SF3A1: variants seen among roughly 807,000 people sequenced by gnomAD.
SF3A1 encodes SAP 114.
Under a neutral mutation model 89.9 loss-of-function variants are expected in SF3A1, and 13 were observed. The ratio of observed to expected loss-of-function variants is 0.14; its 90% CI spans 0.09 to 0.23. SF3A1 has a LOEUF of 0.23. Ranked by LOEUF, SF3A1 falls within the 10% of genes least tolerant of loss-of-function variation. The pLI, the probability that SF3A1 is intolerant of heterozygous loss-of-function variation, is 1.00. For missense variants in SF3A1, 604 were observed against 1,022.1 expected, an observed-to-expected ratio of 0.59 and a Z score of 5.58; for synonymous variants, 405 against 374.4, an observed-to-expected ratio of 1.08 and a Z score of -0.94.
At chr22:30,339,874 C>T (rs1338022795) in intron 9 of SF3A1, among the ~76,000 whole-genome samples, 1 of 152,232 alleles carries the variant, frequency 6.6e-6, no homozygotes, top group Non-Finnish European at 1.5e-5. Context: ...ACCTGTGGCA[C>T]AGTTCCTGCC....
chr22:30,340,465 C>T (rs1328185188), intron 8 of SF3A1, 84 bp from the exon 9 acceptor site: 3 of 1,342,650 alleles, frequency 2.2e-6, no homozygotes, highest in Non-Finnish European at 2.1e-6. Flanking sequence ...GTGCATCATT[C>T]ATCAAGGCAT....
Position 30,340,239 on chromosome 22 carries a change from G to A in SF3A1, c.1332C>T (p.Arg444=). ...CATCGCTCTGCTTCTCACGGATGGAGCGATCCCGCTGCTCCAGCCAGCGAG... is the reference window on the plus strand; with the variant it reads ...CATCGCTCTGCTTCTCACGGATGGAACGATCCCGCTGCTCCAGCCAGCGAG... ...LDPRWLEQRD[R]SIREKQSDDE... Residue 444 remains arginine (R), a synonymous_variant, in exon 9 of 16, where the codon CGC becomes CGT. Coordinates refer to ENST00000215793, the MANE Select transcript of SF3A1 (RefSeq NM_005877.6). 1 of 1,607,220 alleles carries A rather than the reference G, an allele frequency of 6.2e-7. No individual in the cohort carries two copies. The highest frequency in any genetic ancestry group is 8.5e-7 in the Non-Finnish European group (1 of 1,177,384).
Position 30,346,208 on chromosome 22 carries a change from T to C in SF3A1, c.393+104A>G. 6.2e-6 allele frequency: 5 copies of C among 802,732 alleles called. No individual in the cohort carries two copies. In the South Asian group the frequency reaches 8.1e-5, roughly 13 times the overall value. 49.7% of individuals were successfully genotyped at this position (802,732 alleles called of 1,614,324 possible). ...GAGATGGGGATAACGACCTCACTTC[T>C]CTCCCTGGGTGGTTGTGAGATTTGG... On this transcript the variant is annotated intron_variant, in intron 3 of 15. Transcript: ENST00000215793.
chr22:30,351,894 C>T (rs1199661683), intron 2 of SF3A1, among the ~76,000 whole-genome samples: 1 of 152,226 alleles, frequency 6.6e-6, no homozygotes, highest in African/African-American at 2.4e-5. Context: ...CTGAGGGCTG[C>T]CAAAGGAATA....
At chr22:30,342,627 G>T (rs1479671151) in intron 5 of SF3A1, 178 bp downstream of exon 5, 3 of 625,920 alleles carry the variant, frequency 4.8e-6, no homozygotes, top group Non-Finnish European at 5.6e-6. Flanking sequence ...GCAGAAAGTT[G>T]TGGTATGTTG....
chr22:30,344,044 G>A (rs1416591508), intron 4 of SF3A1, among the ~76,000 whole-genome samples: 1 of 152,248 alleles, frequency 6.6e-6, no homozygotes, highest in Non-Finnish European at 1.5e-5. Flanking sequence ...AGCTGTCAGT[G>A]CACTTTGCAA....
intron 2 of SF3A1, among the ~76,000 whole-genome samples, chr22:30,351,753 C>T (rs1370838162): frequency 6.6e-6 from 1 of 152,210 alleles, no homozygotes; most frequent in Non-Finnish European, 1.5e-5. Flanking sequence ...CCACCTTGGG[C>T]TCCCAAAGTG....
At chr22:30,351,441 C>G (rs188403187) in intron 2 of SF3A1, among the ~76,000 whole-genome samples, 32 of 152,322 alleles carry the variant, frequency 2.1e-4, no homozygotes, top group Non-Finnish European at 3.1e-4. Flanking sequence ...CTGGAGAACA[C>G]ATGCTGATTG....
At position 30,338,774 on chromosome 22, in the gene SF3A1, T is replaced by G. The variant is rs760932879; in HGVS notation, c.1743+15A>C. On this transcript the variant is annotated intron_variant, in intron 11 of 15. Coordinates refer to ENST00000215793, the MANE Select transcript of SF3A1 (RefSeq NM_005877.6). Reference sequence around the variant, plus strand: ...AGCTCTAAAAAAGTCAGTTCCAGGGTAGATGCTGGCTTACTGTGGGTGGTC... The same window carrying G: ...AGCTCTAAAAAAGTCAGTTCCAGGGGAGATGCTGGCTTACTGTGGGTGGTC... 7 of 1,613,630 alleles carry G rather than the reference T, an allele frequency of 4.3e-6. No individual in the cohort carries two copies. The highest frequency in any genetic ancestry group is 5.1e-6 in the Non-Finnish European group (6 of 1,179,936).
chr22:30,349,666 CT>C lies in SF3A1; in HGVS notation c.186-3148del, dbSNP rs58624811. 6.6e-3 allele frequency among the ~76,000 whole-genome samples: 912 copies of C among 138,872 alleles called. 6 individuals are homozygous for C. Among genetic ancestry groups the C allele is most frequent in the East Asian group, 0.031 (147 of 4,784 alleles). The allele number at this position is 138,872 out of a possible 152,430, so 91.1% of individuals were successfully genotyped here. On this transcript the variant is annotated intron_variant, in intron 2 of 15. Transcript: ENST00000215793. Reference sequence around the variant, plus strand: ...TGCATGGTTTTGGATTTTTTTCTTTCTTTTTTTTTTTTTTTTTGAGATAGGG... The same window carrying C: ...TGCATGGTTTTGGATTTTTTTCTTTCTTTTTTTTTTTTTTTTGAGATAGGG...
intron 7 of SF3A1, among the ~76,000 whole-genome samples, chr22:30,341,321 G>A (rs976243054): frequency 6.6e-6 from 1 of 152,192 alleles, no homozygotes; most frequent in Admixed American, 6.5e-5. Context: ...ATGCCTGAAA[G>A]GAAGCGTGGG....
chr22:30,342,097 G>T, intron 6 of SF3A1, 103 bp downstream of exon 6: 1 of 1,393,814 alleles, frequency 7.2e-7, no homozygotes, highest in Non-Finnish European at 1.0e-6. Flanking sequence ...CACTGATAAA[G>T]CCCTCTGAGA....
At chr22:30,350,834 T>A (rs927188841) in intron 2 of SF3A1, among the ~76,000 whole-genome samples, 1 of 152,226 alleles carries the variant, frequency 6.6e-6, no homozygotes, top group African/African-American at 2.4e-5. Context: ...TGAACACTGC[T>A]AAGAGCCATT....
At chr22:30,340,643 G>A (rs567003150) in intron 8 of SF3A1, 52 bp downstream of exon 8, 6 of 1,125,066 alleles carry the variant, frequency 5.3e-6, no homozygotes, top group African/African-American at 3.1e-5. Context: ...ACACATGAGG[G>A]CACACAGGAC....
rs1931227661 is a variant in SF3A1, at chr22:30,340,801, A to C, written c.1083T>G (p.Asp361Glu). The C allele has an allele frequency of 1.9e-6, 3 of 1,586,954 alleles. No individual in the cohort carries two copies. Among genetic ancestry groups the C allele is most frequent in the African/African-American group, 2.7e-5 (2 of 73,152 alleles). ...GGGGCACTTTCTGCCCTTCTTCTTC[A>C]TCATCTGAACCCTGAAAAGCAAAGC... ...QVQDMDEGSDDEEEGQKVPPP... is the reference protein window; with the variant it reads ...QVQDMDEGSDEEEEGQKVPPP... The change falls in exon 8 of 16, where the codon GAT becomes GAG. Residue 361 changes from aspartate (D) to glutamate (E), a missense_variant. Around this residue, in one of 9 missense-constraint regions of SF3A1, gnomAD observed 146 missense variants for 228.5 expected, o/e 0.64. Transcript: ENST00000215793.
Position 30,342,425 on chromosome 22 carries a change from T to C in SF3A1, c.727-75A>G. ...CTGATGAGGCTACCACCTCCAGGGC[T>C]TTCATCAAAGTCAGCGCCTCCTTCG... On this transcript the variant is annotated intron_variant, in intron 5 of 15. Coordinates refer to ENST00000215793, the MANE Select transcript of SF3A1 (RefSeq NM_005877.6). 3 of 1,497,244 alleles carry C rather than the reference T, an allele frequency of 2.0e-6. No homozygotes were observed. In the South Asian group the frequency reaches 3.6e-5, roughly 18 times the overall value. 92.7% of individuals were successfully genotyped at this position (1,497,244 alleles called of 1,614,324 possible). A position where few individuals can be genotyped will look rare whatever the true frequency, so the allele number is the denominator to read the frequency against.
rs1931011043 is a variant in SF3A1 at position 30,334,591 on chromosome 22, T to C, written c.*3A>G. ...CAGGGACTTGACAGCAGGTTCCTCT[T>C]GTCTACTTCTTCCTCCCGCCTCTCT... is the stretch of plus-strand genomic sequence containing the variant. On this transcript the variant is annotated 3_prime_UTR_variant, in exon 16 of 16. Coordinates refer to ENST00000215793, the MANE Select transcript of SF3A1 (RefSeq NM_005877.6). The C allele has an allele frequency of 1.3e-6, 2 of 1,552,702 alleles. No homozygotes were observed. The highest frequency in any genetic ancestry group is 2.5e-5 in the East Asian group (1 of 39,994).
chr22:30,342,491 C>T, intron 5 of SF3A1, 141 bp from the exon 6 acceptor site: 1 of 921,358 alleles, frequency 1.1e-6, no homozygotes, highest in Non-Finnish European at 1.6e-6. Flanking sequence ...GGCATTTGCA[C>T]CTGGTTCCAC....
intron 1 of SF3A1, among the ~76,000 whole-genome samples, chr22:30,355,322 A>G (rs574305980): frequency 5.9e-5 from 9 of 152,304 alleles, no homozygotes; most frequent in South Asian, 2.1e-4. Context: ...AGAACTCTTA[A>G]TATCTCCACA....
Sources: allele counts gnomAD v4.1 joint callset (sites outside exome capture counted in the v4.1 genomes callset), GRCh38; gene constraint gnomAD v4.1.1; regional missense constraint gnomAD v4.1.1; transcripts MANE v1.5; gene names NCBI Gene and HGNC (gene_info 2026-07-23, HGNC 2026-07-21).